BLK: variants seen among roughly 807,000 people sequenced by gnomAD.
BLK encodes the protein tyrosine-protein kinase Blk.
A neutral mutation model predicts 61.8 loss-of-function variants in BLK; 64 were observed. The ratio of observed to expected loss-of-function variants is 1.03; its 90% confidence interval spans 0.85 to 1.27. BLK has a LOEUF of 1.27. BLK is among the 50% of genes most tolerant of loss of function. The pLI is 0.00. For synonymous variants in BLK, 351 were observed against 272.0 expected (o/e 1.29, Z -2.86); for missense variants, 853 against 660.5 (o/e 1.29, Z -3.19).
intron 3 of BLK, 103 bp downstream of exon 3, chr8:11,546,206 G>A: frequency 1.4e-6 from 2 of 1,395,982 alleles, no homozygotes; most frequent in Non-Finnish European, 2.0e-6. Flanking sequence ...CTTGAGGGCT[G>A]GAGAAGAGAA....
rs935743985 is a variant in BLK at position 11,564,292 on chromosome 8, G to A, written c.*184G>A. ...GACTCCTTCACCGACTGCACCCCCG[G>A]GCGAGTTACGCGGCCTCTCTGTGCC... On this transcript the variant is annotated 3_prime_UTR_variant, in exon 13 of 13. Coordinates refer to ENST00000259089, the MANE Select transcript of BLK (RefSeq NM_001715.3). 8 of 760,622 alleles carry A rather than the reference G, an allele frequency of 1.1e-5. No homozygotes were observed. The highest frequency in any genetic ancestry group is 1.8e-5 in the Non-Finnish European group (8 of 440,664). 47.1% of individuals were successfully genotyped at this position (760,622 alleles called of 1,614,324 possible).
chr8:11,543,541 A>G (rs530538188), intron 2 of BLK, among the ~76,000 whole-genome samples, 194 bp downstream of exon 2: 65 of 152,324 alleles, frequency 4.3e-4, no homozygotes, highest in African/African-American at 1.5e-3. Flanking sequence ...ATTCTTAGCC[A>G]GAGCTCATTT....
chr8:11,555,079 C>T (rs1386182007), intron 7 of BLK, among the ~76,000 whole-genome samples, 190 bp downstream of exon 7: 2 of 152,192 alleles, frequency 1.3e-5, no homozygotes, highest in South Asian at 4.1e-4. Context: ...CCTGGCTCAG[C>T]AGGGAACCCC....
intron 1 of BLK, among the ~76,000 whole-genome samples, chr8:11,499,689 G>A (rs372459070): frequency 6.6e-6 from 1 of 152,290 alleles, no homozygotes; most frequent in East Asian, 1.9e-4. Context: ...GGAAATCCAT[G>A]CCTCTCTGGA....
At chr8:11,502,236 G>C (rs57830969) in intron 1 of BLK, among the ~76,000 whole-genome samples, 1 of 151,926 alleles carries the variant, frequency 6.6e-6, no homozygotes, top group Non-Finnish European at 1.5e-5. Flanking sequence ...CCATTTAGTT[G>C]TATCTTGTAT....
At chr8:11,533,654 G>A (rs1406973936) in intron 1 of BLK, among the ~76,000 whole-genome samples, 4 of 149,886 alleles carry the variant, frequency 2.7e-5, no homozygotes, top group East Asian at 3.9e-4. Flanking sequence ...TGGAGGAGAC[G>A]GAGGGGGAGA....
At chr8:11,553,267 A>G in intron 6 of BLK, 1 of 250,462 alleles carries the variant, frequency 4.0e-6, no homozygotes, top group African/African-American at 2.3e-5. Flanking sequence ...TGTCTATGTG[A>G]GGATAGACTA....
chr8:11,554,593 T>A (rs1304150383), intron 6 of BLK, 150 bp from the exon 7 acceptor site: 1 of 954,810 alleles, frequency 1.0e-6, no homozygotes, highest in Non-Finnish European at 1.6e-6. Flanking sequence ...GAGGTTGAGA[T>A]GCAGGGAAAG....
intron 1 of BLK, among the ~76,000 whole-genome samples, chr8:11,511,788 A>T (rs1174858780): frequency 2.0e-5 from 3 of 152,190 alleles, no homozygotes; most frequent in East Asian, 3.8e-4. Flanking sequence ...CATGAGATCA[A>T]TGTGCCCTCT....
intron 2 of BLK, 63 bp from the exon 3 acceptor site, chr8:11,545,989 A>AC: frequency 6.4e-7 from 1 of 1,570,314 alleles, no homozygotes; most frequent in Non-Finnish European, 8.8e-7. Context: ...AGCAGTCTCA[A>AC]CCCCCAGGCC....
At chr8:11,549,273 G>C (rs2117490938) in intron 5 of BLK, 151 bp downstream of exon 5, 1 of 754,378 alleles carries the variant, frequency 1.3e-6, no homozygotes. Flanking sequence ...TGCTGGGAAA[G>C]GCCTCTCTGC....
Position 11,548,990 on chromosome 8 carries a change from A to G in BLK, c.270-34A>G, listed in dbSNP as rs201439053. The G allele has an allele frequency of 1.2e-3, 1,878 of 1,570,844 alleles. 34 individuals are homozygous for G. The South Asian group carries it at 0.02, about 17-fold the overall frequency. ...GCCCAGTGACGGGCCTACAGGGGCC[A>G]TGATCTCATCTCTGTTTCCCCTGCT... is the stretch of plus-strand genomic sequence containing the variant. On this transcript the variant is annotated intron_variant, in intron 4 of 12. Coordinates refer to ENST00000259089, the MANE Select transcript of BLK (RefSeq NM_001715.3).
intron 1 of BLK, among the ~76,000 whole-genome samples, chr8:11,533,163 C>G (rs1366308074): frequency 6.6e-6 from 1 of 152,214 alleles, no homozygotes; most frequent in Non-Finnish European, 1.5e-5. Context: ...CTCTGCCTCT[C>G]TAGCAGGACA....
intron 1 of BLK, among the ~76,000 whole-genome samples, chr8:11,522,192 A>G (rs1799480332): frequency 1.3e-5 from 2 of 152,234 alleles, no homozygotes; most frequent in African/African-American, 4.8e-5. Context: ...TGAGCTATAA[A>G]AAAAAACTAC....
intron 1 of BLK, among the ~76,000 whole-genome samples, chr8:11,515,447 G>C (rs1187714545): frequency 6.6e-6 from 1 of 152,180 alleles, no homozygotes; most frequent in African/African-American, 2.4e-5. Context: ...GCCTGGGGGA[G>C]TGTCTGGGAC....
chr8:11,503,162 G>A (rs542750967), intron 1 of BLK, among the ~76,000 whole-genome samples: 2 of 152,338 alleles, frequency 1.3e-5, no homozygotes, highest in South Asian at 4.1e-4. Context: ...GGTTGTTCAA[G>A]TGCAGAGAAT....
chr8:11,504,711 C>T (rs1002889292), intron 1 of BLK, among the ~76,000 whole-genome samples: 2 of 152,234 alleles, frequency 1.3e-5, no homozygotes, highest in African/African-American at 2.4e-5. Context: ...ACGGTCTAAG[C>T]GACTGAGGAG....
intron 1 of BLK, among the ~76,000 whole-genome samples, chr8:11,511,960 T>G (rs577209818): frequency 2.8e-4 from 42 of 152,254 alleles, no homozygotes; most frequent in Non-Finnish European, 4.4e-4. Flanking sequence ...TTTTCTTACG[T>G]TTGGGTTTTC....
At chr8:11,523,260 A>G (rs1055500895) in intron 1 of BLK, among the ~76,000 whole-genome samples, 2 of 152,222 alleles carry the variant, frequency 1.3e-5, no homozygotes, top group African/African-American at 4.8e-5. Context: ...ACATAATACA[A>G]ACACAAAGTT....
Sources: allele counts gnomAD v4.1 joint callset (sites outside exome capture counted in the v4.1 genomes callset), GRCh38; gene constraint gnomAD v4.1.1; transcripts MANE v1.5; gene names NCBI Gene and HGNC (gene_info 2026-07-23, HGNC 2026-07-21).